Variants in CEP170 observed in about 807,000 individuals in gnomAD.
CEP170 encodes the protein centrosomal protein of 170 kDa.
A neutral mutation model predicts 151.9 loss-of-function variants in CEP170; 21 were observed. The observed-to-expected ratio is 0.14, with a 90% CI of 0.10 to 0.20. The LOEUF (loss-of-function observed/expected upper bound fraction) is 0.20. Ranked by LOEUF, CEP170 falls within the 10% of genes least tolerant of loss-of-function variation. The probability of loss-of-function intolerance (pLI) is 1.00; values close to 1 mark genes in which losing one functional copy is unlikely to be tolerated. For missense variants in CEP170, 964 were observed against 1,892.9 expected (o/e 0.51, Z 9.11); for synonymous variants, 356 against 648.8 (o/e 0.55, Z 6.86).
At chr1:243,180,703 G>A (rs964605846) in intron 10 of CEP170, among the ~76,000 whole-genome samples, 6 of 152,106 alleles carry the variant, frequency 3.9e-5, no homozygotes, top group Non-Finnish European at 7.4e-5. Flanking sequence ...GTGACTTTCA[G>A]GGTTTGGAAT....
At chr1:243,154,956 GA>G (rs2057416170) in intron 14 of CEP170, among the ~76,000 whole-genome samples, 1 of 152,164 alleles carries the variant, frequency 6.6e-6, no homozygotes, top group African/African-American at 2.4e-5. Context: ...AAGGGAAGGG[GA>G]AAAATGATGA....
chr1:243,185,643 G>C lies in CEP170; in HGVS notation c.1566+136C>G. ...CATGTTGGTCTTACTGTTAAGTCTT[G>C]CAGTTCCCTAACAAAACCCTAAAAT... is the stretch of plus-strand genomic sequence containing the variant. On this transcript the variant is annotated intron_variant, in intron 10 of 19. Coordinates refer to ENST00000366542, the MANE Select transcript of CEP170 (RefSeq NM_014812.3). This position sits in a 1 kb window ranked among gnomAD's most constrained non-coding sequence, Gnocchi z 4.9. The C allele has an allele frequency of 8.1e-7, 1 of 1,230,898 alleles. No homozygotes were observed. Among genetic ancestry groups the C allele is most frequent in the Non-Finnish European group, 1.1e-6 (1 of 885,088 alleles). The allele number at this position is 1,230,898 out of a possible 1,614,324, so 76.2% of individuals were successfully genotyped here.
chr1:243,175,035 C>T (rs2993723), intron 10 of CEP170: 27 of 152,350 alleles, frequency 1.8e-4, no homozygotes, highest in Admixed American at 6.5e-4. Flanking sequence ...TTTTGCATCT[C>T]TTTGACATGT....
intron 1 of CEP170, among the ~76,000 whole-genome samples, chr1:243,254,675 G>A (rs546311795): frequency 4.1e-4 from 62 of 152,254 alleles, no homozygotes; most frequent in Non-Finnish European, 7.4e-4. Flanking sequence ...GGCGGAGGGG[G>A]GAGGGCTGCA....
chr1:243,205,702 A>T (rs918915315), intron 4 of CEP170, among the ~76,000 whole-genome samples: 2 of 152,230 alleles, frequency 1.3e-5, no homozygotes, highest in Non-Finnish European at 2.9e-5. Context: ...ACTTATATAA[A>T]TACTAAAATA....
At chr1:243,129,549 T>C (rs1228039935) in intron 17 of CEP170, 96 bp from the exon 18 acceptor site, 2 of 972,172 alleles carry the variant, frequency 2.1e-6, no homozygotes, top group African/African-American at 3.3e-5. Flanking sequence ...TTTTCAAAGG[T>C]ACACAAAGAA....
chr1:243,248,843 T>C (rs1460554654), intron 1 of CEP170, among the ~76,000 whole-genome samples: 1 of 152,146 alleles, frequency 6.6e-6, no homozygotes, highest in Non-Finnish European at 1.5e-5. Flanking sequence ...CAACCTCATT[T>C]CCTCCTATAA....
intron 2 of CEP170, among the ~76,000 whole-genome samples, chr1:243,224,333 G>C (rs1572454509): frequency 6.6e-6 from 1 of 151,892 alleles, no homozygotes; most frequent in South Asian, 2.1e-4. Context: ...AAGAATGAAA[G>C]ACTCCAGTCC....
chr1:243,132,941 TCATGATATTTTTA>T (rs1237882296), intron 17 of CEP170, among the ~76,000 whole-genome samples: 2 of 152,314 alleles, frequency 1.3e-5, no homozygotes, highest in East Asian at 1.9e-4. Flanking sequence ...TACAAGACTC[TCATGATATTTTTA>T]CAGATAGCAC....
chr1:243,176,074 G>T (rs1050720855), intron 10 of CEP170, among the ~76,000 whole-genome samples: 1 of 152,188 alleles, frequency 6.6e-6, no homozygotes, highest in Non-Finnish European at 1.5e-5. Context: ...GGGATTACAG[G>T]CGTGAGCCAC....
At chr1:243,249,328 G>A (rs1451076293) in intron 1 of CEP170, among the ~76,000 whole-genome samples, 1 of 152,006 alleles carries the variant, frequency 6.6e-6, no homozygotes, top group Non-Finnish European at 1.5e-5. Context: ...TGAGGTGGGA[G>A]TATTGCTTAA....
rs763218464 is a variant in CEP170 at position 243,165,734 on chromosome 1, C to T, written c.2226G>A (p.Lys742=). The T allele has an allele frequency of 1.2e-5, 20 of 1,614,062 alleles. No individual in the cohort carries two copies. Among genetic ancestry groups the T allele is most frequent in the Non-Finnish European group, 1.7e-5 (20 of 1,179,906 alleles). ...SETDKETSLV[K]QTLAKLQQQE... ...GTTGTTGAAGTTTTGCTAATGTTTG[C>T]TTTACCAAAGAAGTTTCCTTATCAG... The change falls in exon 13 of 20, where the codon AAG becomes AAA. Residue 742 remains lysine (K), a synonymous_variant. Coordinates refer to ENST00000366542, the MANE Select transcript of CEP170 (RefSeq NM_014812.3).
At chr1:243,220,969 T>C (rs1572420424) in intron 3 of CEP170, among the ~76,000 whole-genome samples, 1 of 152,216 alleles carries the variant, frequency 6.6e-6, no homozygotes, top group South Asian at 2.1e-4. Flanking sequence ...TGTTTCACCT[T>C]TTTTACCCTA....
intron 10 of CEP170, among the ~76,000 whole-genome samples, chr1:243,175,859 C>G (rs1054104077): frequency 6.6e-6 from 1 of 152,130 alleles, no homozygotes; most frequent in African/African-American, 2.4e-5. Context: ...TGCAGTGGCG[C>G]GATCTCGGCT....
chr1:243,129,781 CCA>C (rs1055408136), intron 17 of CEP170, among the ~76,000 whole-genome samples: 8 of 151,960 alleles, frequency 5.3e-5, no homozygotes, highest in African/African-American at 9.7e-5. Flanking sequence ...GCCCTCTTAT[CCA>C]CAGTTTCTCT....
chr1:243,246,011 G>C (rs72757686), intron 1 of CEP170, among the ~76,000 whole-genome samples: 3,543 of 151,970 alleles, frequency 0.023, 76 homozygotes, highest in Non-Finnish European at 0.041. Flanking sequence ...CTGATGAAGG[G>C]GTGAAGAAAC....
At chr1:243,220,263 CAT>C (rs1390812921) in intron 3 of CEP170, among the ~76,000 whole-genome samples, 10 of 151,998 alleles carry the variant, frequency 6.6e-5, no homozygotes, top group Admixed American at 5.9e-4. Context: ...TGAAGAAAGA[CAT>C]AGCATAGCAG....
intron 14 of CEP170, among the ~76,000 whole-genome samples, chr1:243,146,988 C>T (rs1490413362): frequency 3.6e-4 from 54 of 151,094 alleles, no homozygotes; most frequent in African/African-American, 1.2e-3. Context: ...GTGAATCCCC[C>T]ATCTAGAGGC....
In CEP170 at chr1:243,165,906, T is replaced by C; in HGVS notation, c.2054A>G (p.Gln685Arg). 3 of 1,613,846 alleles carry C rather than the reference T, an allele frequency of 1.9e-6. No homozygotes were observed. Among genetic ancestry groups the C allele is most frequent in the Non-Finnish European group, 1.7e-6 (2 of 1,179,740 alleles). Residue 685 changes from glutamine to arginine, a missense_variant, in exon 13 of 20, where the codon CAG (glutamine) becomes CGG (arginine). Physicochemically the swap from Gln to Arg is conservative, Grantham distance 43. Transcript: ENST00000366542. ...TELQEKETPTQVYQKDKQDAD... is the reference protein window; with the variant it reads ...TELQEKETPTRVYQKDKQDAD... ...ATCTTGTTTATCTTTCTGGTATACC[T>C]GTGTAGGTGTTTCTTTCTCCTGAAG...
Sources: allele counts gnomAD v4.1 joint callset (sites outside exome capture counted in the v4.1 genomes callset), GRCh38; gene constraint gnomAD v4.1.1; non-coding constraint Gnocchi (gnomAD v3.1); transcripts MANE v1.5; gene names NCBI Gene and HGNC (gene_info 2026-07-23, HGNC 2026-07-21).